Variants in NEK7 observed in about 807,000 individuals in gnomAD.
The protein encoded by NEK7 is serine/threonine-protein kinase Nek7.
A neutral mutation model predicts 44.6 loss-of-function variants in NEK7; 18 were observed. The observed-to-expected ratio is 0.40, with a 90% confidence interval of 0.28 to 0.60. The LOEUF is 0.60. Among genes scored for constraint, NEK7 ranks in the 20% least tolerant of loss-of-function variants. The pLI is 0.38. For synonymous variants in NEK7, 130 were observed against 121.1 expected, an observed-to-expected ratio of 1.07 and a Z score of -0.48; for missense variants, 256 against 366.5, an observed-to-expected ratio of 0.70 and a Z score of 2.46.
chr1:198,252,295 C>T (rs994408301), intron 2 of NEK7, among the ~76,000 whole-genome samples: 1 of 151,474 alleles, frequency 6.6e-6, no homozygotes, highest in Non-Finnish European at 1.5e-5. Context: ...TTACTTCCAC[C>T]TATGTGGTCA....
intron 2 of NEK7, 140 bp downstream of exon 2, chr1:198,232,777 ATTT>A (rs3084926): frequency 0.017 from 6,607 of 384,022 alleles, no homozygotes; most frequent in East Asian, 0.083. Context: ...TTTAATCAGC[ATTT>A]TTTTTTTTTT....
At chr1:198,221,955 G>A (rs573230961) in intron 1 of NEK7, among the ~76,000 whole-genome samples, 42 of 151,200 alleles carry the variant, frequency 2.8e-4, no homozygotes, top group African/African-American at 6.3e-4. Context: ...GTATAGTGTC[G>A]TTGAGAACTG....
In NEK7 at chr1:198,256,411, C is replaced by A. The variant is rs370089060; in HGVS notation, c.198+3231C>A. 346 of 1,611,878 alleles carry A rather than the reference C, an allele frequency of 2.1e-4. 2 individuals carry two copies. The African/African-American group carries it at 4.3e-3, about 20-fold the overall frequency. ...TGGAAATCATAAAGGGATCTGAGAG[C>A]CTACAGTATATGGCAACATTAACCA... is the stretch of plus-strand genomic sequence containing the variant. On this transcript the variant is annotated intron_variant, in intron 3 of 9. Coordinates refer to ENST00000367385, the MANE Select transcript of NEK7 (RefSeq NM_133494.3).
chr1:198,183,552 TG>T (rs1425609682), intron 1 of NEK7, among the ~76,000 whole-genome samples: 1 of 152,226 alleles, frequency 6.6e-6, no homozygotes, highest in Non-Finnish European at 1.5e-5. Context: ...GAAATGTTTC[TG>T]ACTTATAGTA....
chr1:198,319,371 A>G, intron 9 of NEK7, 41 bp from the exon 10 acceptor site: 1 of 1,407,970 alleles, frequency 7.1e-7, no homozygotes. Context: ...AACCAAAAAT[A>G]GTTGTCTTAA....
intron 9 of NEK7, among the ~76,000 whole-genome samples, chr1:198,311,885 T>C (rs1055161986): frequency 6.6e-6 from 1 of 152,230 alleles, no homozygotes; most frequent in Non-Finnish European, 1.5e-5. Flanking sequence ...TCAAGGATAT[T>C]GGTCTAAAAT....
intron 1 of NEK7, among the ~76,000 whole-genome samples, chr1:198,186,423 A>T (rs554934113): frequency 2.0e-5 from 3 of 152,110 alleles, no homozygotes; most frequent in East Asian, 3.9e-4. Flanking sequence ...TTTGTTTTGT[A>T]TTGTTATTTG....
intron 7 of NEK7, among the ~76,000 whole-genome samples, chr1:198,290,230 G>A (rs573062914): frequency 3.9e-4 from 60 of 152,186 alleles, no homozygotes; most frequent in African/African-American, 1.2e-3. Flanking sequence ...ACAGTAATTC[G>A]CATGATCATT....
intron 2 of NEK7, among the ~76,000 whole-genome samples, chr1:198,250,802 G>A (rs569905333): frequency 8.8e-5 from 13 of 147,236 alleles, no homozygotes; most frequent in East Asian, 4.0e-4. Context: ...GGGTTTTCTA[G>A]ATATACAATC....
intron 7 of NEK7, among the ~76,000 whole-genome samples, chr1:198,291,288 C>G (rs1310358407): frequency 6.6e-6 from 1 of 152,172 alleles, no homozygotes; most frequent in African/African-American, 2.4e-5. Flanking sequence ...AAACCAGGAG[C>G]AGAGCCTGTT....
chr1:198,282,640 A>G (rs6428448), intron 7 of NEK7, among the ~76,000 whole-genome samples: 3 of 152,090 alleles, frequency 2.0e-5, no homozygotes, highest in African/African-American at 4.8e-5. Context: ...AATGAATGCA[A>G]GTGTTTTCTT....
At chr1:198,301,474 C>T (rs1210633222) in intron 9 of NEK7, among the ~76,000 whole-genome samples, 1 of 152,218 alleles carries the variant, frequency 6.6e-6, no homozygotes, top group Admixed American at 6.5e-5. Flanking sequence ...GGCGTGAACC[C>T]AGGAGGCAGA....
chr1:198,264,179 G>A lies in NEK7; in HGVS notation c.316G>A (p.Glu106Lys), dbSNP rs1653573921. ...TTATGCATCATTCATTGAAGATAAT[G>A]AACTAAACATAGTTTTGGAACTAGC... ...KYYASFIEDN[E>K]LNIVLELADA... Residue 106 changes from glutamate to lysine, a missense_variant, in exon 5 of 10, where the codon GAA becomes AAA. Around this residue, in one of 3 missense-constraint regions of NEK7, gnomAD observed 102 missense variants for 205.2 expected, o/e 0.50. Transcript: ENST00000367385. The A allele has an allele frequency of 6.2e-7, 1 of 1,606,422 alleles. No homozygotes were observed. The highest frequency in any genetic ancestry group is 2.3e-5 in the East Asian group (1 of 44,438).
intron 1 of NEK7, among the ~76,000 whole-genome samples, chr1:198,231,474 A>G (rs1307688522): frequency 1.3e-5 from 2 of 151,250 alleles, no homozygotes; most frequent in African/African-American, 4.8e-5. Flanking sequence ...TTTGCCTTAT[A>G]TCATAAAAAA....
chr1:198,202,622 G>C (rs148024188), intron 1 of NEK7, among the ~76,000 whole-genome samples: 1 of 152,180 alleles, frequency 6.6e-6, no homozygotes, highest in Non-Finnish European at 1.5e-5. Context: ...CACGTGGCTA[G>C]GGAGGCCTCA....
At position 198,272,345 on chromosome 1, in the gene NEK7, G is replaced by T. The variant is rs185397019; in HGVS notation, c.373-5616G>T. On this transcript the variant is annotated intron_variant, in intron 5 of 9. Coordinates refer to ENST00000367385, the MANE Select transcript of NEK7 (RefSeq NM_133494.3). ...CTTTTGTAAACCATGTAATACCATCGTGAGCAGTAATTTTGGTAACTGTAG... is the reference window on the plus strand; with the variant it reads ...CTTTTGTAAACCATGTAATACCATCTTGAGCAGTAATTTTGGTAACTGTAG... Among the ~76,000 whole-genome samples, 181 of 151,846 alleles carry T rather than the reference G, an allele frequency of 1.2e-3. 2 individuals carry two copies. The highest frequency in any genetic ancestry group is 4.3e-3 in the African/African-American group (177 of 41,492).
intron 3 of NEK7, among the ~76,000 whole-genome samples, chr1:198,254,699 A>G (rs1653190737): frequency 6.6e-6 from 1 of 152,170 alleles, no homozygotes. Context: ...AGTGGAAATG[A>G]CTGCATCCCA....
intron 7 of NEK7, among the ~76,000 whole-genome samples, chr1:198,282,132 C>T (rs530670563): frequency 6.6e-6 from 1 of 152,156 alleles, no homozygotes; most frequent in South Asian, 2.1e-4. Flanking sequence ...CTTTCCGTTC[C>T]CTCATCCTTA....
At chr1:198,256,488 A>T (rs986937836) in intron 3 of NEK7, 1 of 1,589,200 alleles carries the variant, frequency 6.3e-7, no homozygotes, top group Admixed American at 1.8e-5. Flanking sequence ...GCAAAAAAAT[A>T]AGATGGTACC....
Sources: gnomAD v4.1 joint callset for allele counts (sites outside exome capture counted in the v4.1 genomes callset) on GRCh38, gnomAD v4.1.1 for gene constraint, gnomAD v4.1.1 regional missense constraint, MANE v1.5 for transcripts, NCBI Gene and HGNC (gene_info 2026-07-23, HGNC 2026-07-21) for gene names.